The following GPC2 variants were observed in gnomAD, a reference collection of about 807,000 sequenced individuals.
The protein encoded by GPC2 is glypican-2.
Under a neutral mutation model 57.3 loss-of-function variants are expected in GPC2, and 42 were observed. The observed-to-expected ratio is 0.73, with a 90% CI of 0.57 to 0.95. GPC2 has a LOEUF of 0.95. GPC2 is among the 40% of genes least tolerant of loss of function. GPC2 has a pLI of 0.00. For missense variants in GPC2, 745 were observed against 793.6 expected (o/e 0.94, Z 0.74); for synonymous variants, 364 against 343.4 (o/e 1.06, Z -0.66).
Position 100,171,877 on chromosome 7 carries a change from G to A in GPC2, c.1072C>T (p.Arg358Ter). The A allele has an allele frequency of 2.0e-6, 3 of 1,527,976 alleles. No homozygotes were observed. The highest frequency in any genetic ancestry group is 1.7e-6 in the Non-Finnish European group (2 of 1,144,736). The allele number at this position is 1,527,976 out of a possible 1,614,324, so 94.7% of individuals were successfully genotyped here. The change falls in exon 7 of 10, where the codon CGA (arginine) becomes TGA (stop). Residue 358 changes from arginine to a stop codon, truncating the protein, a stop_gained. Transcript: ENST00000292377. LOFTEE classifies it high-confidence loss of function. This position sits in a 1 kb window ranked among gnomAD's most constrained non-coding sequence, Gnocchi z 4.8. Reference protein sequence around the residue: ...PPDPVPARNRRAPPPREEAGR... With the variant: ...PPDPVPARNR ...GCCTCTTCCCGGGGCGGCGGGGCTC[G>A]ACGGTTGCGGGCAGGCACCGGGTCG...
rs1444682369 is a variant in GPC2, at chr7:100,170,127, C to T, written c.*103G>A. 3.2e-6 allele frequency: 4 copies of T among 1,264,890 alleles called. No homozygotes were observed. Among genetic ancestry groups the T allele is most frequent in the Admixed American group, 3.0e-5 (1 of 33,280 alleles). The allele number at this position is 1,264,890 out of a possible 1,614,324, so 78.4% of individuals were successfully genotyped here. ...GCCATTCACCTGCAAAGTCCCTTCTCTACCCTCTCTGCAGCCCCCTTCGAC... is the reference window on the plus strand; with the variant it reads ...GCCATTCACCTGCAAAGTCCCTTCTTTACCCTCTCTGCAGCCCCCTTCGAC... On this transcript the variant is annotated 3_prime_UTR_variant, in exon 10 of 10. Transcript: ENST00000292377.
At chr7:100,176,939 C>T in intron 1 of GPC2, 95 bp downstream of exon 1, 4 of 910,854 alleles carry the variant, frequency 4.4e-6, no homozygotes, top group Non-Finnish European at 6.5e-6. Context: ...ATTAGTATAA[C>T]GGTCACTCTG....
chr7:100,176,996 C>T, intron 1 of GPC2, 38 bp downstream of exon 1: 1 of 377,724 alleles, frequency 2.6e-6, no homozygotes, highest in Non-Finnish European at 4.8e-6. Context: ...GCCCCCGCCC[C>T]CCACCCCCAA....
rs965654687 is a variant in GPC2 at position 100,170,033 on chromosome 7, C to T, written c.*197G>A. On this transcript the variant is annotated 3_prime_UTR_variant, in exon 10 of 10. Coordinates refer to ENST00000292377, the MANE Select transcript of GPC2 (RefSeq NM_152742.3). Reference sequence around the variant, plus strand: ...TACCCCCAGGCCCCCCTCCCATTACCAAATGAAAAAATAAATATTGTGAAC... The same window carrying T: ...TACCCCCAGGCCCCCCTCCCATTACTAAATGAAAAAATAAATATTGTGAAC... The T allele has an allele frequency of 2.0e-5, 10 of 510,668 alleles. No individual in the cohort carries two copies. The highest frequency in any genetic ancestry group is 3.4e-5 in the Non-Finnish European group (10 of 294,242). 31.6% of individuals were successfully genotyped at this position (510,668 alleles called of 1,614,324 possible). A position where few individuals can be genotyped will look rare whatever the true frequency, so the allele number is the denominator to read the frequency against.
Position 100,175,781 on chromosome 7 carries a change from G to A in GPC2, c.439C>T (p.Arg147Trp), listed in dbSNP as rs1229970899. 6.2e-7 allele frequency: 1 copy of A among 1,613,974 alleles called. No homozygotes were observed. Among genetic ancestry groups the A allele is most frequent in the African/African-American group, 1.3e-5 (1 of 74,882 alleles). Residue 147 changes from arginine to tryptophan, a missense_variant, in exon 3 of 10, where the codon CGG becomes TGG. Arg to Trp is a moderately radical substitution (Grantham distance 101, BLOSUM62 -3). Transcript: ENST00000292377. The stretch of plus-strand genomic sequence containing the variant: ...GATTCCCCATAGAAGTCTCGCAGCC[G>A]AGAGAACAGGCCATTGAATATGAGG... ...HALIFNGLFS[R>W]LRDFYGESGE... is the part of the protein sequence containing the mutation.
chr7:100,174,339 G>A, intron 4 of GPC2: 1 of 521,174 alleles, frequency 1.9e-6, no homozygotes, highest in Non-Finnish European at 3.5e-6. Context: ...GCCAAGCCAG[G>A]CATCTGGCCT....
Position 100,171,825 on chromosome 7 carries a change from T to C in GPC2, c.1124A>G (p.Glu375Gly). ...EAGRLWSMVT[E>G]EERPTTAAGT... ...TGCGGCCGTCGTGGGCCGCTCCTCC[T>C]CGGTCACCATCGACCACAGCCGGCC... Residue 375 changes from glutamate to glycine, a missense_variant, in exon 7 of 10, where the codon GAG becomes GGG. Glu to Gly is a moderately conservative substitution (Grantham distance 98, BLOSUM62 -2). Around this residue, in one of 2 missense-constraint regions of GPC2, gnomAD observed 607 missense variants for 603.9 expected, o/e 1.01. Transcript: ENST00000292377. This position sits in a 1 kb window ranked among gnomAD's most constrained non-coding sequence, Gnocchi z 4.8. 1 of 1,568,724 alleles carries C rather than the reference T, an allele frequency of 6.4e-7. No individual in the cohort carries two copies. The highest frequency in any genetic ancestry group is 8.6e-7 in the Non-Finnish European group (1 of 1,166,056).
chr7:100,171,434 T>A lies in GPC2; in HGVS notation c.1313A>T (p.Tyr438Phe). ...GGAGCCCCCGACCACTGGCGGCAAGTACCTGCGAGCAGAGCAGCCCCGAAG... is the reference window on the plus strand; with the variant it reads ...GGAGCCCCCGACCACTGGCGGCAAGAACCTGCGAGCAGAGCAGCCCCGAAG... ...PCWTGAGRGR[Y>F]LPPVVGGSPA... Residue 438 changes from tyrosine to phenylalanine, a missense_variant and splice_region_variant, in exon 9 of 10, where the codon TAC (tyrosine) becomes TTC (phenylalanine). Physicochemically the swap from Tyr to Phe is conservative, Grantham distance 22 (BLOSUM62 3). Transcript: ENST00000292377. This position sits in a 1 kb window ranked among gnomAD's most constrained non-coding sequence, Gnocchi z 4.8. 6.9e-7 allele frequency: 1 copy of A among 1,450,846 alleles called. No homozygotes were observed. Among genetic ancestry groups the A allele is most frequent in the Non-Finnish European group, 9.1e-7 (1 of 1,104,110 alleles). 89.9% of individuals were successfully genotyped at this position (1,450,846 alleles called of 1,614,324 possible).
chr7:100,171,567 G>A lies in GPC2; in HGVS notation c.1282C>T (p.Pro428Ser). Reference sequence around the variant, plus strand: ...CCCCGCCCGGCTCCGGTCCAGCAGGGCGCCGCCTCCAGCGAGGCGTCCGCT... The same window carrying A: ...CCCCGCCCGGCTCCGGTCCAGCAGGACGCCGCCTCCAGCGAGGCGTCCGCT... ...MAADASLEAA[P>S]CWTGAGRGRY... The change falls in exon 8 of 10, where the codon CCC becomes TCC. Residue 428 changes from proline to serine, a missense_variant. Pro to Ser is a moderately conservative substitution (Grantham distance 74). This residue lies in a region of GPC2 where 607 missense variants were observed against 603.9 expected (regional missense o/e 1.01). Coordinates refer to ENST00000292377, the MANE Select transcript of GPC2 (RefSeq NM_152742.3). The surrounding 1 kb of genome is among the most constrained non-coding windows in gnomAD (Gnocchi z 4.8). The A allele has an allele frequency of 6.7e-7, 1 of 1,494,708 alleles. No homozygotes were observed. The highest frequency in any genetic ancestry group is 8.8e-7 in the Non-Finnish European group (1 of 1,132,616). 92.6% of individuals were successfully genotyped at this position (1,494,708 alleles called of 1,614,324 possible).
At chr7:100,173,654 C>G in intron 5 of GPC2, 181 bp downstream of exon 5, 2 of 345,274 alleles carry the variant, frequency 5.8e-6, no homozygotes, top group Non-Finnish European at 1.1e-5. Flanking sequence ...CTTTCTCTGT[C>G]TCTCTCTCTC....
Position 100,177,374 on chromosome 7 carries a change from A to G in GPC2, c.-175T>C. 1.5e-5 allele frequency: 8 copies of G among 518,092 alleles called. No individual in the cohort carries two copies. Among genetic ancestry groups the G allele is most frequent in the African/African-American group, 2.0e-5 (1 of 50,242 alleles). 32.1% of individuals were successfully genotyped at this position (518,092 alleles called of 1,614,324 possible). ...GGACCAGGCGGCATCTGCCGAGACAATGGGAGCGGGGAGCCGGACAGGGGG... is the reference window on the plus strand; with the variant it reads ...GGACCAGGCGGCATCTGCCGAGACAGTGGGAGCGGGGAGCCGGACAGGGGG... On this transcript the variant is annotated 5_prime_UTR_variant, in exon 1 of 10. Coordinates refer to ENST00000292377, the MANE Select transcript of GPC2 (RefSeq NM_152742.3).
rs1185487668 is a variant in GPC2 at position 100,171,336 on chromosome 7, G to A, written c.1411C>T (p.Arg471Trp). The change falls in exon 9 of 10, where the codon CGG becomes TGG. Residue 471 changes from arginine to tryptophan, a missense_variant. By Grantham distance (101) the Arg-to-Trp change is moderately radical. This residue lies in a region of GPC2 where 607 missense variants were observed against 603.9 expected (regional missense o/e 1.01). Coordinates refer to ENST00000292377, the MANE Select transcript of GPC2 (RefSeq NM_152742.3). This position sits in a 1 kb window ranked among gnomAD's most constrained non-coding sequence, Gnocchi z 4.8. ...GCCGTGGCCGCCCGGAGCTGTAGCC[G>A]ACGCCGCCGTGTCGGGACATCGGGG... ...SGPDVPTRRRRLQLRAATARM... is the reference protein window; with the variant it reads ...SGPDVPTRRRWLQLRAATARM... 2 of 1,543,894 alleles carry A rather than the reference G, an allele frequency of 1.3e-6. No homozygotes were observed. Among genetic ancestry groups the A allele is most frequent in the African/African-American group, 1.4e-5 (1 of 71,600 alleles).
intron 1 of GPC2, 58 bp downstream of exon 1, chr7:100,176,976 A>AGGCGGGGGGGGGGGGGGGGGGG: frequency 5.0e-6 from 4 of 793,270 alleles, no homozygotes; most frequent in East Asian, 3.0e-5. Flanking sequence ...TTGTGAGATG[A>AGGCGGGGGGGGGGGGGGGGGGG]GGAGGCCCCG....
At chr7:100,172,697 A>ATG (rs1562957593) in intron 5 of GPC2, among the ~76,000 whole-genome samples, 1 of 141,862 alleles carries the variant, frequency 7.0e-6, no homozygotes, top group Non-Finnish European at 1.5e-5. Context: ...ATATATATAT[A>ATG]CGTGTATATA....
intron 4 of GPC2, chr7:100,174,302 T>G (rs1584631774): frequency 1.0e-5 from 5 of 497,332 alleles, no homozygotes; most frequent in South Asian, 7.3e-5. Context: ...GGCTGGGAGG[T>G]CAGGTAGAGG....
chr7:100,175,784 A>G lies in GPC2; in HGVS notation c.436T>C (p.Ser146Pro). The G allele has an allele frequency of 2.5e-6, 4 of 1,614,108 alleles. No homozygotes were observed. The highest frequency in any genetic ancestry group is 3.4e-6 in the Non-Finnish European group (4 of 1,180,028). The change falls in exon 3 of 10, where the codon TCT becomes CCT. Residue 146 changes from serine (S) to proline (P), a missense_variant. Ser to Pro is a moderately conservative substitution (Grantham distance 74). Around this residue, in one of 2 missense-constraint regions of GPC2, gnomAD observed 138 missense variants for 189.8 expected, o/e 0.73. Coordinates refer to ENST00000292377, the MANE Select transcript of GPC2 (RefSeq NM_152742.3). ...QHALIFNGLF[S>P]RLRDFYGESG... ...TCCCCATAGAAGTCTCGCAGCCGAGAGAACAGGCCATTGAATATGAGGGCG... is the reference window on the plus strand; with the variant it reads ...TCCCCATAGAAGTCTCGCAGCCGAGGGAACAGGCCATTGAATATGAGGGCG...
intron 1 of GPC2, 93 bp downstream of exon 1, chr7:100,176,941 G>A: frequency 1.1e-6 from 1 of 926,910 alleles, no homozygotes. Context: ...TAGTATAACG[G>A]TCACTCTGAA....
chr7:100,177,319 C>G lies in GPC2; in HGVS notation c.-120G>C, dbSNP rs1409532792. 2.4e-6 allele frequency: 2 copies of G among 838,440 alleles called. No homozygotes were observed. The highest frequency in any genetic ancestry group is 6.5e-5 in the Admixed American group (2 of 30,702). The allele number at this position is 838,440 out of a possible 1,614,324, so 51.9% of individuals were successfully genotyped here. On this transcript the variant is annotated 5_prime_UTR_variant, in exon 1 of 10. Coordinates refer to ENST00000292377, the MANE Select transcript of GPC2 (RefSeq NM_152742.3). ...CGCGGGCCAGAGAAAGAGCGCTGCT[C>G]CGGAAAACTGAATACCGAGCACGAT...
Position 100,170,422 on chromosome 7 carries a change from A to G in GPC2, c.1548T>C (p.Ala516=). ...QQYADDWMAG[A]VAPPARPPRP... ...GAGGAGGCCGGGCTGGGGGAGCCAC[A>G]GCCCCAGCCATCCAGTCATCTGCAT... The change falls in exon 10 of 10, where the codon GCT becomes GCC. Residue 516 remains alanine, a synonymous_variant. Transcript: ENST00000292377. 1 of 1,608,000 alleles carries G rather than the reference A, an allele frequency of 6.2e-7. No individual in the cohort carries two copies. Among genetic ancestry groups the G allele is most frequent in the Non-Finnish European group, 8.5e-7 (1 of 1,176,684 alleles).
Sources: gnomAD v4.1 joint callset for allele counts (sites outside exome capture counted in the v4.1 genomes callset) on GRCh38, gnomAD v4.1.1 for gene constraint, gnomAD v4.1.1 regional missense constraint, Gnocchi (gnomAD v3.1) non-coding constraint, MANE v1.5 for transcripts, NCBI Gene and HGNC (gene_info 2026-07-23, HGNC 2026-07-21) for gene names.